ZFHX3: variants seen among roughly 807,000 people sequenced by gnomAD.
ZFHX3 encodes zinc finger homeobox 3, also known as zinc finger homeobox protein 3.
In ZFHX3, 42 loss-of-function variants were observed where a neutral mutation model predicts 279.1. The observed-to-expected ratio is 0.15, with a 90% CI of 0.12 to 0.19. The LOEUF is 0.19. Ranked by LOEUF, ZFHX3 falls within the 10% of genes least tolerant of loss-of-function variation. ZFHX3 has a pLI of 1.00. For missense variants in ZFHX3, 4,981 were observed against 4,754.0 expected (o/e 1.05, Z -1.40); for synonymous variants, 2,293 against 1,957.8 (o/e 1.17, Z -4.52).
chr16:73,214,843 C>T (rs985559327), intron 5 of ZFHX3, among the ~76,000 whole-genome samples: 7 of 79,246 alleles, frequency 8.8e-5, no homozygotes, highest in Admixed American at 1.9e-4. Flanking sequence ...TGCTGAAGGC[C>T]TTTTTTTTTT....
intron 3 of ZFHX3, among the ~76,000 whole-genome samples, chr16:73,432,781 C>A (rs199598476): frequency 0.021 from 845 of 40,864 alleles, 4 homozygotes; most frequent in Non-Finnish European, 0.056. Context: ...GTGTGTTTTT[C>A]TTCTTCTTTT....
At chr16:72,816,394 T>A (rs1234001817) in intron 5 of ZFHX3, among the ~76,000 whole-genome samples, 3 of 152,186 alleles carry the variant, frequency 2.0e-5, no homozygotes, top group African/African-American at 7.2e-5. Flanking sequence ...TGGTAAGGAA[T>A]CATGCGACTG....
chr16:73,283,639 T>C (rs55876686), intron 4 of ZFHX3, among the ~76,000 whole-genome samples: 11,850 of 152,340 alleles, frequency 0.078, 582 homozygotes, highest in South Asian at 0.22. Context: ...GTACTGCTCC[T>C]ACTGCCTGAT....
In ZFHX3 at chr16:72,959,168, G is replaced by A; in HGVS notation, c.978C>T (p.Ile326=). The stretch of plus-strand genomic sequence containing the variant: ...GTTCCTTGTCTTTGCCGATCCCTTG[G>A]ATGATAGCGGAGATGTTCTTATTGC... ...ILSNKNISAI[I]QGIGKDKEPL... The change falls in exon 2 of 10, where the codon ATC becomes ATT. Residue 326 remains isoleucine (I), a synonymous_variant. Coordinates refer to ENST00000268489, the MANE Select transcript of ZFHX3 (RefSeq NM_006885.4). 6.2e-7 allele frequency: 1 copy of A among 1,614,240 alleles called. No individual in the cohort carries two copies. Among genetic ancestry groups the A allele is most frequent in the Non-Finnish European group, 8.5e-7 (1 of 1,180,050 alleles).
At chr16:73,545,049 A>G (rs2020086088) in intron 2 of ZFHX3, among the ~76,000 whole-genome samples, 1 of 152,080 alleles carries the variant, frequency 6.6e-6, no homozygotes, top group Admixed American at 6.6e-5. Context: ...CCCTCATACA[A>G]CAATAGCAGG....
chr16:73,535,220 C>T (rs888636295), intron 2 of ZFHX3, among the ~76,000 whole-genome samples: 2 of 152,170 alleles, frequency 1.3e-5, no homozygotes, highest in African/African-American at 4.8e-5. Flanking sequence ...GCATATATAA[C>T]TTCAAAAGCA....
chr16:73,714,429 C>T (rs4888647), intron 1 of ZFHX3, among the ~76,000 whole-genome samples: 116,875 of 151,992 alleles, frequency 0.77, 48,000 homozygotes, highest in Non-Finnish European at 0.91. Context: ...GCTTTCTCTA[C>T]AGAGACTGGC....
intron 2 of ZFHX3, among the ~76,000 whole-genome samples, chr16:73,618,169 A>G (rs1485226367): frequency 6.6e-6 from 1 of 152,184 alleles, no homozygotes; most frequent in East Asian, 1.9e-4. Context: ...ACAGTATTCA[A>G]CATTCAGGGC....
chr16:73,206,466 T>G (rs1210429547), intron 5 of ZFHX3, among the ~76,000 whole-genome samples: 1 of 152,170 alleles, frequency 6.6e-6, no homozygotes, highest in Non-Finnish European at 1.5e-5. Context: ...TTGATCTCTT[T>G]ATATCCCTAG....
intron 1 of ZFHX3, among the ~76,000 whole-genome samples, chr16:73,043,883 A>G (rs920741261): frequency 2.0e-5 from 3 of 152,228 alleles, no homozygotes; most frequent in African/African-American, 7.2e-5. Context: ...GCCCTCTGAC[A>G]GTTGTTGATT....
intron 3 of ZFHX3, among the ~76,000 whole-genome samples, chr16:73,349,775 T>C (rs1322496298): frequency 1.1e-5 from 1 of 94,600 alleles, no homozygotes; most frequent in Admixed American, 9.5e-5. Context: ...CCCTCTTTTT[T>C]CCCTCTCTTC....
chr16:73,271,586 T>C (rs2014146964), intron 4 of ZFHX3, among the ~76,000 whole-genome samples: 1 of 152,204 alleles, frequency 6.6e-6, no homozygotes. Flanking sequence ...AACCTCCCTG[T>C]CCCTCAGTTT....
chr16:73,538,349 T>A (rs571864485), intron 2 of ZFHX3, among the ~76,000 whole-genome samples: 1 of 152,056 alleles, frequency 6.6e-6, no homozygotes, highest in South Asian at 2.1e-4. Context: ...TAATTAAAAG[T>A]TCATGAAAAA....
intron 5 of ZFHX3, among the ~76,000 whole-genome samples, chr16:73,191,882 A>G (rs1968045423): frequency 6.6e-6 from 1 of 152,216 alleles, no homozygotes; most frequent in South Asian, 2.1e-4. Context: ...CATGCTGTGC[A>G]AACACGCTTT....
At chr16:73,159,982 C>A (rs35373476) in intron 5 of ZFHX3, among the ~76,000 whole-genome samples, 22 of 152,098 alleles carry the variant, frequency 1.4e-4, no homozygotes, top group South Asian at 2.1e-4. Flanking sequence ...AGGTGGGTCT[C>A]GAACTCCTGA....
At chr16:72,908,370 T>TAGGATGGGGCCCGTCC in intron 3 of ZFHX3, among the ~76,000 whole-genome samples, 1 of 152,320 alleles carries the variant, frequency 6.6e-6, no homozygotes, top group African/African-American at 2.4e-5. Context: ...AGAAAATCAG[T>TAGGATGGGGCCCGTCC]ATGAATGAAC....
At chr16:73,533,732 C>T (rs1040674284) in intron 2 of ZFHX3, among the ~76,000 whole-genome samples, 80 of 152,096 alleles carry the variant, frequency 5.3e-4, no homozygotes, top group Non-Finnish European at 4.3e-4. Context: ...TTAATGGCAA[C>T]TTCATCCCTC....
chr16:73,637,169 T>C (rs1457824232), intron 2 of ZFHX3, among the ~76,000 whole-genome samples: 1 of 151,812 alleles, frequency 6.6e-6, no homozygotes. Flanking sequence ...ATTTAATAAA[T>C]GCTTGACTAG....
At chr16:73,512,766 G>T (rs2143691312) in intron 2 of ZFHX3, among the ~76,000 whole-genome samples, 1 of 152,308 alleles carries the variant, frequency 6.6e-6, no homozygotes, top group South Asian at 2.1e-4. Flanking sequence ...TTTGCATTCA[G>T]GAAAGTGTCA....
Sources: gnomAD v4.1 joint callset for allele counts (sites outside exome capture counted in the v4.1 genomes callset) on GRCh38, gnomAD v4.1.1 for gene constraint, MANE v1.5 for transcripts, NCBI Gene and HGNC (gene_info 2026-07-23, HGNC 2026-07-21) for gene names.